The following DZIP3 variants were observed in gnomAD, a reference collection of about 807,000 sequenced individuals.
DZIP3 encodes DAZ interacting zinc finger protein 3.
Under a neutral mutation model 162.0 loss-of-function variants are expected in DZIP3, and 118 were observed. The observed-to-expected ratio is 0.73, with a 90% CI of 0.63 to 0.85. The LOEUF is 0.85. Ranked by LOEUF, DZIP3 falls within the 40% of genes least tolerant of loss-of-function variation. The pLI is 0.00. For missense variants in DZIP3, 1,331 were observed against 1,407.0 expected (o/e 0.95, Z 0.86); for synonymous variants, 438 against 458.6 (o/e 0.96, Z 0.57).
At chr3:108,621,322 T>C (rs935733130) in intron 5 of DZIP3, among the ~76,000 whole-genome samples, 7 of 152,188 alleles carry the variant, frequency 4.6e-5, no homozygotes, top group Non-Finnish European at 7.3e-5. Flanking sequence ...TGTGGGTATA[T>C]AGGTGTACAT....
At chr3:108,688,205 CAT>C (rs1159734953) in intron 29 of DZIP3, 109 bp downstream of exon 29, 10 of 1,310,832 alleles carry the variant, frequency 7.6e-6, no homozygotes, top group Non-Finnish European at 1.0e-5. Context: ...AACTTGTAAT[CAT>C]ATTAAATCAT....
Position 108,662,111 on chromosome 3 carries a change from AAT to A in DZIP3, c.2296-16_2296-15del, listed in dbSNP as rs1324891096. The A allele has an allele frequency of 6.3e-7, 1 of 1,579,308 alleles. No individual in the cohort carries two copies. The highest frequency in any genetic ancestry group is 1.4e-5 in the African/African-American group (1 of 72,812). On this transcript the variant is annotated splice_polypyrimidine_tract_variant and intron_variant, in intron 20 of 32. Transcript: ENST00000361582. ...TGACTTGAACATAATTATCTGAAAT[AAT>A]ATTTTTTATTGATCAGGATTTCAAA...
At chr3:108,631,055 A>ACACACACACATACTCTCT in intron 8 of DZIP3, among the ~76,000 whole-genome samples, 1 of 18,006 alleles carries the variant, frequency 5.6e-5, no homozygotes, top group Non-Finnish European at 9.0e-5. Context: ...ACACACACAC[A>ACACACACACATACTCTCT]CTCTCTCTCT....
At chr3:108,649,137 A>G (rs1942758095) in intron 17 of DZIP3, among the ~76,000 whole-genome samples, 175 bp downstream of exon 17, 1 of 151,880 alleles carries the variant, frequency 6.6e-6, no homozygotes. Context: ...ATGATTTTGA[A>G]GTACGAAATA....
Position 108,634,967 on chromosome 3 carries a change from G to T in DZIP3, c.913G>T (p.Asp305Tyr). 1.3e-6 allele frequency: 2 copies of T among 1,583,194 alleles called. No homozygotes were observed. Among genetic ancestry groups the T allele is most frequent in the South Asian group, 2.2e-5 (2 of 89,196 alleles). Residue 305 changes from aspartate to tyrosine, a missense_variant, in exon 10 of 33, where the codon GAT (aspartate) becomes TAT (tyrosine). Physicochemically the swap from Asp to Tyr is radical, Grantham distance 160. Coordinates refer to ENST00000361582, the MANE Select transcript of DZIP3 (RefSeq NM_014648.4). ...FKNLKYPGEN[D>Y]QSFSGKKCLK... ...GAATTTAAAGTATCCAGGTGAAAATGATCAGGTATTATATTCGTTCTTAAA... is the reference window on the plus strand; with the variant it reads ...GAATTTAAAGTATCCAGGTGAAAATTATCAGGTATTATATTCGTTCTTAAA...
intron 19 of DZIP3, among the ~76,000 whole-genome samples, chr3:108,657,553 C>G (rs1207168730): frequency 6.6e-6 from 1 of 152,090 alleles, no homozygotes; most frequent in Non-Finnish European, 1.5e-5. Context: ...TTGTAAAGAC[C>G]ATCGAGGCTA....
At chr3:108,594,107 C>T (rs1939577914) in intron 1 of DZIP3, among the ~76,000 whole-genome samples, 1 of 152,080 alleles carries the variant, frequency 6.6e-6, no homozygotes, top group African/African-American at 2.4e-5. Context: ...CAGTAATTCT[C>T]TTAATCTCTT....
intron 7 of DZIP3, among the ~76,000 whole-genome samples, chr3:108,627,464 G>A (rs1298144423): frequency 6.6e-6 from 1 of 152,136 alleles, no homozygotes; most frequent in Non-Finnish European, 1.5e-5. Context: ...GGTGGGTTCT[G>A]TGTTTTTATG....
chr3:108,645,743 A>C (rs753895489), intron 14 of DZIP3, among the ~76,000 whole-genome samples: 1 of 152,166 alleles, frequency 6.6e-6, no homozygotes, highest in Non-Finnish European at 1.5e-5. Flanking sequence ...GATGTGCCCA[A>C]TTTCAGTCCT....
chr3:108,595,760 A>G (rs549900296), intron 1 of DZIP3, among the ~76,000 whole-genome samples: 1 of 152,340 alleles, frequency 6.6e-6, no homozygotes, highest in African/African-American at 2.4e-5. Flanking sequence ...GACTGAATGA[A>G]GACTTGAATT....
At position 108,642,422 on chromosome 3, in the gene DZIP3, T is replaced by G. The variant is rs549578125; in HGVS notation, c.1065-16T>G. On this transcript the variant is annotated splice_polypyrimidine_tract_variant and intron_variant, in intron 12 of 32. Coordinates refer to ENST00000361582, the MANE Select transcript of DZIP3 (RefSeq NM_014648.4). Reference sequence around the variant, plus strand: ...TATTTTATTTCCACTATAACTTAATTTTTTTCCTTTTGCAGTTATAGAAAG... The same window carrying G: ...TATTTTATTTCCACTATAACTTAATGTTTTTCCTTTTGCAGTTATAGAAAG... 2.7e-6 allele frequency: 4 copies of G among 1,469,000 alleles called. No homozygotes were observed. In the South Asian group the frequency reaches 3.8e-5, roughly 14 times the overall value. 91.0% of individuals were successfully genotyped at this position (1,469,000 alleles called of 1,614,324 possible).
intron 2 of DZIP3, 27 bp from the exon 3 acceptor site, chr3:108,608,062 A>G: frequency 1.3e-6 from 2 of 1,570,900 alleles, no homozygotes; most frequent in Non-Finnish European, 1.8e-6. Flanking sequence ...AGATGCTCTT[A>G]ATATACCTCA....
In DZIP3 at chr3:108,634,852, T is replaced by TC; in HGVS notation, c.817-19_817-18insC. ...AATCACCATGTCCTTATTGATAACT[T>TC]ACTTTTATTTTTTTCCAGGGATTTT... On this transcript the variant is annotated intron_variant, in intron 9 of 32. Coordinates refer to ENST00000361582, the MANE Select transcript of DZIP3 (RefSeq NM_014648.4). The TC allele has an allele frequency of 6.5e-7, 1 of 1,537,692 alleles. No individual in the cohort carries two copies. Among genetic ancestry groups the TC allele is most frequent in the South Asian group, 1.2e-5 (1 of 86,728 alleles).
chr3:108,669,205 C>G (rs1306706374), intron 21 of DZIP3, among the ~76,000 whole-genome samples: 2 of 151,932 alleles, frequency 1.3e-5, no homozygotes, highest in Non-Finnish European at 2.9e-5. Context: ...CATTTGTACA[C>G]AGCCTCATCA....
intron 14 of DZIP3, among the ~76,000 whole-genome samples, chr3:108,645,605 T>A (rs1353199726): frequency 6.6e-6 from 1 of 152,312 alleles, no homozygotes; most frequent in East Asian, 1.9e-4. Flanking sequence ...GCTGTGCTAT[T>A]CAGGATGACT....
rs756014923 is a variant in DZIP3 at position 108,644,164 on chromosome 3, A to G, written c.1142A>G (p.Asp381Gly). ...PKISLKFNTK[D>G]EMPIFKLDYN... is the part of the protein sequence containing the mutation. ...TTGACTTCTCAAAATTTATTTTCAG[A>G]TGAAATGCCTATCTTCAAGCTTGAT... The change falls in exon 14 of 33, where the codon GAT becomes GGT. Residue 381 changes from aspartate to glycine, a missense_variant and splice_region_variant. Asp to Gly is a moderately conservative substitution (Grantham distance 94). Transcript: ENST00000361582. 12 of 1,583,858 alleles carry G rather than the reference A, an allele frequency of 7.6e-6. No individual in the cohort carries two copies. Among genetic ancestry groups the G allele is most frequent in the Non-Finnish European group, 1.0e-5 (12 of 1,169,926 alleles).
chr3:108,673,622 G>T (rs1035454728), intron 23 of DZIP3, among the ~76,000 whole-genome samples: 1 of 151,836 alleles, frequency 6.6e-6, no homozygotes, highest in African/African-American at 2.4e-5. Flanking sequence ...TCCCAAGCCC[G>T]TTTCTGTCTT....
Position 108,686,584 on chromosome 3 carries a change from G to A in DZIP3, c.3149G>A (p.Arg1050Lys). Residue 1050 changes from arginine (R) to lysine (K), a missense_variant and splice_region_variant, in exon 28 of 33, where the codon AGA becomes AAA. Physicochemically the swap from Arg to Lys is conservative, Grantham distance 26. This residue lies in a region of DZIP3 where 1,278 missense variants were observed against 1,317.1 expected (regional missense o/e 0.97). Coordinates refer to ENST00000361582, the MANE Select transcript of DZIP3 (RefSeq NM_014648.4). ...AAAACTGCCTTTCCACAGCAAACCA[G>A]GTACCTTAGTTTTTATTTATTGGTG... The part of the protein sequence containing the change: ...RLKTAFPQQT[R>K]KELTDFLRKL... 1 of 1,596,874 alleles carries A rather than the reference G, an allele frequency of 6.3e-7. No individual in the cohort carries two copies. Among genetic ancestry groups the A allele is most frequent in the Non-Finnish European group, 8.5e-7 (1 of 1,174,084 alleles).
intron 3 of DZIP3, among the ~76,000 whole-genome samples, chr3:108,609,351 A>G (rs1940570418): frequency 6.6e-6 from 1 of 152,204 alleles, no homozygotes; most frequent in South Asian, 2.1e-4. Context: ...CTATATGCAC[A>G]TGTATGTAGG....
Sources: allele counts gnomAD v4.1 joint callset (sites outside exome capture counted in the v4.1 genomes callset), GRCh38; gene constraint gnomAD v4.1.1; regional missense constraint gnomAD v4.1.1; transcripts MANE v1.5; gene names NCBI Gene and HGNC (gene_info 2026-07-23, HGNC 2026-07-21).